The following NXF1 variants were observed in gnomAD, a reference collection of about 807,000 sequenced individuals.
NXF1 encodes the protein mRNA export factor TAP.
Under a neutral mutation model 92.4 loss-of-function variants are expected in NXF1, and 43 were observed. The observed-to-expected ratio is 0.47, with a 90% CI of 0.36 to 0.60. The LOEUF (loss-of-function observed/expected upper bound fraction) is 0.60, where lower values mean the gene tolerates loss of function less well. Among genes scored for constraint, NXF1 ranks in the 20% least tolerant of loss-of-function variants. NXF1 has a pLI of 0.00. For synonymous variants in NXF1, 288 were observed against 292.2 expected, an observed-to-expected ratio of 0.99 and a Z score of 0.15; for missense variants, 576 against 793.0, an observed-to-expected ratio of 0.73 and a Z score of 3.29.
In NXF1 at chr11:62,792,653, G is replaced by T; in HGVS notation, c.1809C>A (p.Phe603Leu). The change falls in exon 20 of 21, where the codon TTC (phenylalanine) becomes TTA (leucine). Residue 603 changes from phenylalanine to leucine, a missense_variant. Coordinates refer to ENST00000294172, the MANE Select transcript of NXF1 (RefSeq NM_006362.5). ...NWDYTRSAQA[F>L]THLKAKGEIP... Reference sequence around the variant, plus strand: ...TTCCAGACCTTACCTTGAGATGAGTGAAGGCCTGGGCAGATCTGGTGTAGT... The same window carrying T: ...TTCCAGACCTTACCTTGAGATGAGTTAAGGCCTGGGCAGATCTGGTGTAGT... The T allele has an allele frequency of 6.2e-7, 1 of 1,614,208 alleles. No individual in the cohort carries two copies. The highest frequency in any genetic ancestry group is 8.5e-7 in the Non-Finnish European group (1 of 1,180,038).
Position 62,801,326 on chromosome 11 carries a change from T to A in NXF1, c.798+3A>T. The A allele has an allele frequency of 6.2e-7, 1 of 1,613,988 alleles. No individual in the cohort carries two copies. Among genetic ancestry groups the A allele is most frequent in the Non-Finnish European group, 8.5e-7 (1 of 1,179,854 alleles). On this transcript the variant is annotated splice_donor_region_variant and intron_variant, in intron 8 of 20. Transcript: ENST00000294172. Reference sequence around the variant, plus strand: ...ATGCCTAATACTGGGCCAAAGGCCTTACCTCAGGGATGTTCTCTTCAATGA... The same window carrying A: ...ATGCCTAATACTGGGCCAAAGGCCTAACCTCAGGGATGTTCTCTTCAATGA...
At position 62,801,962 on chromosome 11, in the gene NXF1, A is replaced by G. The variant is rs775757468; in HGVS notation, c.538T>C (p.Leu180=). 2.3e-5 allele frequency: 37 copies of G among 1,614,222 alleles called. No individual in the cohort carries two copies. The highest frequency in any genetic ancestry group is 3.0e-5 in the Non-Finnish European group (35 of 1,180,030). ...SALKAVNYKI[L]DRENRRISII... Reference sequence around the variant, plus strand: ...CACACCCTTCGGTTCTCCCGATCCAAAATCTTATAGTTGACAGCCTTCAAT... The same window carrying G: ...CACACCCTTCGGTTCTCCCGATCCAGAATCTTATAGTTGACAGCCTTCAAT... The change falls in exon 5 of 21, where the codon TTG becomes CTG. Residue 180 remains leucine (L), a synonymous_variant. Coordinates refer to ENST00000294172, the MANE Select transcript of NXF1 (RefSeq NM_006362.5).
intron 13 of NXF1, 121 bp from the exon 14 acceptor site, chr11:62,796,688 T>G (rs1253754420): frequency 1.5e-6 from 1 of 680,518 alleles, no homozygotes; most frequent in Non-Finnish European, 2.6e-6. Context: ...TCCCAGCACT[T>G]TGGGAGGCTG....
intron 17 of NXF1, 93 bp from the exon 18 acceptor site, chr11:62,795,100 T>C: frequency 2.5e-6 from 3 of 1,221,942 alleles, no homozygotes; most frequent in Non-Finnish European, 3.6e-6. Flanking sequence ...TAAAGAATCC[T>C]AGCAAGTCAG....
At chr11:62,801,461 T>G in intron 7 of NXF1, 44 bp from the exon 8 acceptor site, 1 of 1,610,810 alleles carries the variant, frequency 6.2e-7, no homozygotes, top group Non-Finnish European at 8.5e-7. Context: ...TGAGAGGGTT[T>G]GCCCATGCCA....
intron 10 of NXF1, chr11:62,799,907 T>C: frequency 2.0e-6 from 2 of 987,736 alleles, no homozygotes; most frequent in Non-Finnish European, 2.4e-6. Flanking sequence ...AGGGTCCCTC[T>C]TGGCGCAAGG....
chr11:62,792,554 C>G, intron 20 of NXF1, 40 bp from the exon 21 acceptor site: 1 of 1,614,030 alleles, frequency 6.2e-7, no homozygotes, highest in Non-Finnish European at 8.5e-7. Context: ...GGCCTACCCT[C>G]GCCACTCAGC....
At chr11:62,804,564 T>C (rs2134783916) in intron 1 of NXF1, among the ~76,000 whole-genome samples, 1 of 152,334 alleles carries the variant, frequency 6.6e-6, no homozygotes, top group East Asian at 1.9e-4. Flanking sequence ...TGTGTAGGAC[T>C]GGCGTCTTAA....
At chr11:62,796,704 G>A in intron 13 of NXF1, 137 bp from the exon 14 acceptor site, 1 of 641,724 alleles carries the variant, frequency 1.6e-6, no homozygotes, top group Admixed American at 2.6e-5. Context: ...GGCTGAGATG[G>A]GTGAATAGCT....
chr11:62,795,390 C>A, intron 17 of NXF1: 1 of 203,006 alleles, frequency 4.9e-6, no homozygotes. Context: ...GCAGGAGAAC[C>A]ACTTGAACCC....
At chr11:62,795,472 C>G (rs1466686528) in intron 17 of NXF1, 1 of 219,360 alleles carries the variant, frequency 4.6e-6, no homozygotes, top group Non-Finnish European at 9.2e-6. Flanking sequence ...GTGACTCCAT[C>G]TCAAAAAAAA....
chr11:62,792,859 G>T, intron 19 of NXF1, 158 bp from the exon 20 acceptor site: 2 of 635,874 alleles, frequency 3.1e-6, no homozygotes, highest in South Asian at 4.0e-5. Context: ...AAGTCCAGAT[G>T]TTCTACCAAT....
chr11:62,802,749 T>C (rs2084492257), intron 3 of NXF1, among the ~76,000 whole-genome samples: 1 of 152,036 alleles, frequency 6.6e-6, no homozygotes, highest in Non-Finnish European at 1.5e-5. Flanking sequence ...TTTACACTTA[T>C]AATCTCTCAA....
rs1054489539 is a variant in NXF1, at chr11:62,805,419, C to A, written c.-63G>T. On this transcript the variant is annotated 5_prime_UTR_variant, in exon 1 of 21. Transcript: ENST00000294172. The stretch of plus-strand genomic sequence containing the variant: ...CGCTACGCCGGCAAACAACCTAACT[C>A]CCAAGCGCTCAGGACCGAAGTGTCC... The A allele has an allele frequency of 2.5e-6, 4 of 1,604,680 alleles. No individual in the cohort carries two copies. The highest frequency in any genetic ancestry group is 1.1e-5 in the South Asian group (1 of 89,262).
chr11:62,800,815 G>T (rs1331998299), intron 9 of NXF1, among the ~76,000 whole-genome samples: 2 of 151,928 alleles, frequency 1.3e-5, no homozygotes, highest in Non-Finnish European at 2.9e-5. Flanking sequence ...GGTTGCTCAG[G>T]CTAGAATGCA....
intron 1 of NXF1, 157 bp from the exon 2 acceptor site, chr11:62,804,135 C>G (rs1164865181): frequency 5.6e-5 from 87 of 1,548,432 alleles, no homozygotes; most frequent in Non-Finnish European, 7.1e-5. Context: ...CAGGAAAGAA[C>G]CCTCTCTGTG....
chr11:62,794,897 T>G, intron 18 of NXF1, 38 bp downstream of exon 18: 1 of 1,590,664 alleles, frequency 6.3e-7, no homozygotes, highest in South Asian at 1.1e-5. Context: ...TGGCCATGGA[T>G]TAGGACTGGT....
rs903824180 is a variant in NXF1, at chr11:62,805,275, G to A, written c.28+54C>T. On this transcript the variant is annotated intron_variant, in intron 1 of 20. Transcript: ENST00000294172. ...CCCGGGGGCTGAGGCCTAGGCCGGC[G>A]CCGCCCACCCGCGCCCCAGATAGCC... 8.5e-5 allele frequency: 133 copies of A among 1,568,006 alleles called. 1 individual carries two copies. The South Asian group carries it at 1.2e-3, about 14-fold the overall frequency.
intron 17 of NXF1, 165 bp from the exon 18 acceptor site, chr11:62,795,172 A>G (rs925164136): frequency 3.2e-6 from 2 of 619,094 alleles, no homozygotes; most frequent in African/African-American, 3.7e-5. Flanking sequence ...GGGTCAGGTC[A>G]GAAAGGACAA....
Sources: gnomAD v4.1 joint callset for allele counts (sites outside exome capture counted in the v4.1 genomes callset) on GRCh38, gnomAD v4.1.1 for gene constraint, MANE v1.5 for transcripts, NCBI Gene and HGNC (gene_info 2026-07-23, HGNC 2026-07-21) for gene names.